The following ZFAT variants were observed in gnomAD, a reference collection of about 807,000 sequenced individuals.
The protein encoded by ZFAT is zinc finger and AT-hook domain containing.
Under a neutral mutation model 117.7 loss-of-function variants are expected in ZFAT, and 64 were observed. The observed-to-expected ratio is 0.54, with a 90% CI of 0.44 to 0.67. The LOEUF is 0.67. Among genes scored for constraint, ZFAT ranks in the 30% least tolerant of loss-of-function variants. ZFAT has a pLI of 0.00. For synonymous variants in ZFAT, 679 were observed against 615.0 expected (o/e 1.10, Z -1.54); for missense variants, 1,433 against 1,584.5 (o/e 0.90, Z 1.62).
intron 2 of ZFAT, among the ~76,000 whole-genome samples, chr8:134,642,365 T>C (rs550990623): frequency 1.8e-3 from 270 of 152,260 alleles, no homozygotes; most frequent in Middle Eastern, 3.4e-3. Flanking sequence ...CCGTTTCCAA[T>C]GCGAAAAATA....
intron 12 of ZFAT, among the ~76,000 whole-genome samples, chr8:134,524,112 C>T (rs1820855050): frequency 6.6e-6 from 1 of 152,212 alleles, no homozygotes; most frequent in South Asian, 2.1e-4. Context: ...CCTCTTCTTT[C>T]TTGAGCTCCT....
chr8:134,526,124 T>C (rs1821009446), intron 12 of ZFAT, among the ~76,000 whole-genome samples: 1 of 152,210 alleles, frequency 6.6e-6, no homozygotes, highest in African/African-American at 2.4e-5. Context: ...GGCAAACTTT[T>C]AAAGGTTAAA....
intron 1 of ZFAT, among the ~76,000 whole-genome samples, chr8:134,702,917 G>T (rs6577743): frequency 5.9e-5 from 9 of 152,122 alleles, no homozygotes; most frequent in South Asian, 2.1e-4. Flanking sequence ...GTGATCTGCC[G>T]GCCTCGGCCT....
intron 3 of ZFAT, among the ~76,000 whole-genome samples, chr8:134,622,627 C>G (rs546743425): frequency 6.6e-6 from 1 of 152,122 alleles, no homozygotes; most frequent in Non-Finnish European, 1.5e-5. Flanking sequence ...TGCCCTTCCA[C>G]GTCGCCCCTC....
intron 2 of ZFAT, among the ~76,000 whole-genome samples, chr8:134,647,274 C>T (rs114474434): frequency 0.011 from 1,716 of 152,188 alleles, 31 homozygotes; most frequent in African/African-American, 0.039. Context: ...AAAAATCATA[C>T]ATGATCATCT....
At chr8:134,828,545 G>A in the ZFAT span, among the ~76,000 whole-genome samples, 2 of 152,192 alleles carry the variant, frequency 1.3e-5, no homozygotes, top group African/African-American at 4.8e-5. Context: ...AGCCAGGCAT[G>A]AACAGTATAA....
chr8:134,620,262 T>C (rs28608134), intron 3 of ZFAT, among the ~76,000 whole-genome samples: 7,666 of 152,244 alleles, frequency 0.05, 681 homozygotes, highest in African/African-American at 0.17. Context: ...AAGGCTGAGG[T>C]AGACGAAGTA....
chr8:134,634,425 C>A (rs1054891828), intron 3 of ZFAT, among the ~76,000 whole-genome samples: 2 of 152,080 alleles, frequency 1.3e-5, no homozygotes, highest in Admixed American at 6.5e-5. Flanking sequence ...CTAAAACAAA[C>A]AAAAGTAATA....
chr8:134,509,940 GA>G (rs1482564179), intron 14 of ZFAT, 191 bp from the exon 15 acceptor site: 6 of 690,434 alleles, frequency 8.7e-6, no homozygotes, highest in Non-Finnish European at 1.2e-5. Context: ...TTTTCTATAA[GA>G]ACATCTCAAA....
At chr8:134,652,990 A>C (rs11994586) in intron 2 of ZFAT, among the ~76,000 whole-genome samples, 1 of 152,102 alleles carries the variant, frequency 6.6e-6, no homozygotes, top group Non-Finnish European at 1.5e-5. Context: ...TTATAATAGC[A>C]CAAAATTAGA....
chr8:134,608,603 A>G, intron 5 of ZFAT, 126 bp downstream of exon 5: 1 of 1,171,376 alleles, frequency 8.5e-7, no homozygotes, highest in Non-Finnish European at 1.2e-6. Context: ...TCAAGGAGTC[A>G]GTATCTCTTA....
At chr8:134,751,652 T>G in the ZFAT span, among the ~76,000 whole-genome samples, 86 of 152,312 alleles carry the variant, frequency 5.6e-4, no homozygotes, top group Non-Finnish European at 1.2e-3. Context: ...GGGCTGTACC[T>G]GCAAAGACAG....
chr8:134,658,835 G>A (rs1831780808), intron 1 of ZFAT, among the ~76,000 whole-genome samples: 1 of 152,192 alleles, frequency 6.6e-6, no homozygotes, highest in Non-Finnish European at 1.5e-5. Flanking sequence ...CCTAAATGCT[G>A]GAAAGCTGAG....
chr8:134,491,993 A>G (rs1172244875), intron 15 of ZFAT, among the ~76,000 whole-genome samples: 1 of 151,832 alleles, frequency 6.6e-6, no homozygotes, highest in Non-Finnish European at 1.5e-5. Context: ...TATTTCAGTT[A>G]GGACACTAGA....
chr8:134,500,710 A>C (rs1818910160), intron 15 of ZFAT, among the ~76,000 whole-genome samples: 1 of 152,200 alleles, frequency 6.6e-6, no homozygotes, highest in South Asian at 2.1e-4. Flanking sequence ...GAAAAGGTTC[A>C]AACAACCACA....
intron 1 of ZFAT, among the ~76,000 whole-genome samples, chr8:134,667,080 A>C (rs555787911): frequency 6.6e-6 from 1 of 152,350 alleles, no homozygotes; most frequent in African/African-American, 2.4e-5. Flanking sequence ...TGGGAGTTGA[A>C]CAATGAGAAC....
intron 5 of ZFAT, among the ~76,000 whole-genome samples, 179 bp from the exon 6 acceptor site, chr8:134,603,112 C>A (rs1827637608): frequency 6.6e-6 from 1 of 152,152 alleles, no homozygotes; most frequent in Non-Finnish European, 1.5e-5. Flanking sequence ...TGCCATGGTC[C>A]TTCAGGAGCT....
chr8:134,802,972 A>G, the ZFAT span, among the ~76,000 whole-genome samples: 2 of 152,218 alleles, frequency 1.3e-5, no homozygotes, highest in African/African-American at 2.4e-5. Context: ...AAAAGGCTGT[A>G]CCTATGTATT....
chr8:134,517,600 CA>C (rs2130441749), intron 13 of ZFAT, among the ~76,000 whole-genome samples: 1 of 152,258 alleles, frequency 6.6e-6, no homozygotes, highest in South Asian at 2.1e-4. Flanking sequence ...ACTAATTAAA[CA>C]ATAGGCTTTC....
Sources: gnomAD v4.1 joint callset for allele counts (sites outside exome capture counted in the v4.1 genomes callset) on GRCh38, gnomAD v4.1.1 for gene constraint, MANE v1.5 for transcripts, NCBI Gene and HGNC (gene_info 2026-07-23, HGNC 2026-07-21) for gene names.